The following PLXNA2 variants were observed in gnomAD, a reference collection of about 807,000 sequenced individuals.
PLXNA2 encodes the protein plexin A2.
Under a neutral mutation model 193.5 loss-of-function variants are expected in PLXNA2, and 91 were observed. That is an observed-to-expected ratio of 0.47 (90% CI 0.40 to 0.56). The LOEUF (loss-of-function observed/expected upper bound fraction) is 0.56. Ranked by LOEUF, PLXNA2 falls within the 20% of genes least tolerant of loss-of-function variation. The pLI is 0.00. For missense variants in PLXNA2, 1,995 were observed against 2,503.2 expected, an observed-to-expected ratio of 0.80 and a Z score of 4.33; for synonymous variants, 997 against 1,027.3, an observed-to-expected ratio of 0.97 and a Z score of 0.56.
intron 3 of PLXNA2, among the ~76,000 whole-genome samples, chr1:208,165,316 T>G (rs1669265326): frequency 6.6e-6 from 1 of 152,190 alleles, no homozygotes; most frequent in African/African-American, 2.4e-5. Context: ...TAGAGAATGT[T>G]TGTACTGTGT....
chr1:208,159,430 T>C (rs1234524199), intron 3 of PLXNA2, among the ~76,000 whole-genome samples: 7 of 152,230 alleles, frequency 4.6e-5, no homozygotes, highest in Non-Finnish European at 1.5e-5. Context: ...CTGGGGAGCC[T>C]ATGCTAAAGT....
At chr1:208,168,242 A>G (rs542990714) in intron 3 of PLXNA2, among the ~76,000 whole-genome samples, 2 of 152,318 alleles carry the variant, frequency 1.3e-5, no homozygotes, top group South Asian at 4.1e-4. Flanking sequence ...CCCTCTTCAT[A>G]TATAGCCACA....
At chr1:208,072,826 TACAA>T (rs1168719697) in intron 12 of PLXNA2, among the ~76,000 whole-genome samples, 1 of 152,184 alleles carries the variant, frequency 6.6e-6, no homozygotes, top group Non-Finnish European at 1.5e-5. Context: ...TAAGGCTCAG[TACAA>T]AGGGTAGCCA....
intron 4 of PLXNA2, among the ~76,000 whole-genome samples, chr1:208,129,419 T>G (rs1032338180): frequency 2.6e-5 from 4 of 152,090 alleles, no homozygotes; most frequent in Non-Finnish European, 5.9e-5. Flanking sequence ...GCTGGGGGAA[T>G]CCCTCTTAGG....
Position 208,076,815 on chromosome 1 carries a change from C to T in PLXNA2, c.2586+2445G>A, listed in dbSNP as rs546993240. Among the ~76,000 whole-genome samples the T allele has an allele frequency of 1.1e-4, 16 of 152,162 alleles. No individual in the cohort carries two copies. The East Asian group carries it at 2.1e-3, about 20-fold the overall frequency. ...CAATTGGCAGAATATTAATAAGGCA[C>T]GTTTATTAGATGGTATTATTGTATC... On this transcript the variant is annotated intron_variant, in intron 12 of 31. Coordinates refer to ENST00000367033, the MANE Select transcript of PLXNA2 (RefSeq NM_025179.4).
Position 208,038,924 on chromosome 1 carries a change from T to C in PLXNA2, c.4561A>G (p.Asn1521Asp). 6.2e-7 allele frequency: 1 copy of C among 1,613,832 alleles called. No homozygotes were observed. Among genetic ancestry groups the C allele is most frequent in the Non-Finnish European group, 8.5e-7 (1 of 1,179,774 alleles). The change falls in exon 25 of 32, where the codon AAC becomes GAC. Residue 1521 changes from asparagine to aspartate, a missense_variant. By Grantham distance (23) the Asn-to-Asp change is conservative (BLOSUM62 1). Coordinates refer to ENST00000367033, the MANE Select transcript of PLXNA2 (RefSeq NM_025179.4). The surrounding 1 kb of genome is among the most constrained non-coding windows in gnomAD (Gnocchi z 4.1). ...NSPEIPVKVL[N>D]CDTITQVKEK... ...TTGACCTGTGTGATGGTGTCACAGTTTAACACCTTCACTGGGATCTCTGGA... is the reference window on the plus strand; with the variant it reads ...TTGACCTGTGTGATGGTGTCACAGTCTAACACCTTCACTGGGATCTCTGGA...
At chr1:208,152,387 G>A (rs181801695) in intron 3 of PLXNA2, among the ~76,000 whole-genome samples, 1 of 152,274 alleles carries the variant, frequency 6.6e-6, no homozygotes, top group African/African-American at 2.4e-5. Flanking sequence ...CGCTGGGGCT[G>A]AGTCTTTATT....
chr1:208,077,932 G>A (rs970929335), intron 12 of PLXNA2, among the ~76,000 whole-genome samples: 1 of 152,148 alleles, frequency 6.6e-6, no homozygotes, highest in East Asian at 1.9e-4. Context: ...TGCATTGTCC[G>A]GGATATGGTG....
chr1:208,240,956 G>A (rs147091833), intron 1 of PLXNA2, among the ~76,000 whole-genome samples: 136 of 152,250 alleles, frequency 8.9e-4, no homozygotes, highest in Middle Eastern at 3.4e-3. Context: ...TCTTAGGGAG[G>A]CAATCATAGA....
chr1:208,039,275 G>A (rs940937561), intron 24 of PLXNA2, among the ~76,000 whole-genome samples: 3 of 152,270 alleles, frequency 2.0e-5, no homozygotes, highest in Admixed American at 2.0e-4. Flanking sequence ...TCAGTGTTTA[G>A]AGATGGCTCT....
chr1:208,173,890 C>G (rs77634676), intron 3 of PLXNA2, among the ~76,000 whole-genome samples: 1 of 152,338 alleles, frequency 6.6e-6, no homozygotes, highest in East Asian at 1.9e-4. Flanking sequence ...GCTGCTTGCT[C>G]GACTTTCATT....
intron 3 of PLXNA2, among the ~76,000 whole-genome samples, chr1:208,151,833 T>C (rs978232889): frequency 6.6e-6 from 1 of 152,222 alleles, no homozygotes; most frequent in African/African-American, 2.4e-5. Context: ...TGAACTCTTT[T>C]ATTCTGCCTC....
chr1:208,235,839 C>T lies in PLXNA2; in HGVS notation c.-81+7804G>A, dbSNP rs372912966. 3.5e-4 allele frequency among the ~76,000 whole-genome samples: 54 copies of T among 152,274 alleles called. No homozygotes were observed. In the East Asian group the frequency reaches 4.0e-3, roughly 11 times the overall value. ...TCTGTGGGCCAAGAAAGCTGAAGAA[C>T]TTGAAGAACTTGACCCCCTGTGGGT... On this transcript the variant is annotated intron_variant, in intron 1 of 31. Transcript: ENST00000367033.
At chr1:208,027,862 G>A (rs1664386695) in intron 31 of PLXNA2, 147 bp downstream of exon 31, 2 of 615,160 alleles carry the variant, frequency 3.3e-6, no homozygotes, top group Non-Finnish European at 5.3e-6. Flanking sequence ...CAGGAGTTGA[G>A]TTGCCTCATA....
In PLXNA2 at chr1:208,227,597, T is replaced by G. The variant is rs1427242313; in HGVS notation, c.-80-9595A>C. 2.0e-5 allele frequency among the ~76,000 whole-genome samples: 3 copies of G among 152,314 alleles called. No individual in the cohort carries two copies. The East Asian group carries it at 5.8e-4, about 29-fold the overall frequency. ...AAGGTCAAAACTTGAGGCTCCACAG[T>G]TCCATTTATGTCTACCCTGAGCTGA... On this transcript the variant is annotated intron_variant, in intron 1 of 31. Transcript: ENST00000367033.
At chr1:208,092,939 A>T in intron 8 of PLXNA2, 39 bp from the exon 9 acceptor site, 2 of 1,388,850 alleles carry the variant, frequency 1.4e-6, no homozygotes, top group Middle Eastern at 3.6e-4. Flanking sequence ...AGAGAAGAGA[A>T]CAAAGAGGGA....
chr1:208,123,552 G>T (rs1485093493), intron 4 of PLXNA2, among the ~76,000 whole-genome samples: 1 of 152,140 alleles, frequency 6.6e-6, no homozygotes, highest in Non-Finnish European at 1.5e-5. Flanking sequence ...TTGTCTCTTG[G>T]TTTTTATGAT....
intron 12 of PLXNA2, among the ~76,000 whole-genome samples, chr1:208,066,905 G>T (rs1423511702): frequency 6.6e-6 from 1 of 152,080 alleles, no homozygotes; most frequent in Non-Finnish European, 1.5e-5. Flanking sequence ...AAGTAAAAAA[G>T]TGAATTTCAA....
chr1:208,040,113 G>T, intron 22 of PLXNA2, 55 bp from the exon 23 acceptor site: 1 of 1,449,304 alleles, frequency 6.9e-7, no homozygotes, highest in Non-Finnish European at 9.7e-7. Flanking sequence ...TCTCCGTGGT[G>T]GGGCCTGGGC....
Sources: gnomAD v4.1 joint callset for allele counts (sites outside exome capture counted in the v4.1 genomes callset) on GRCh38, gnomAD v4.1.1 for gene constraint, Gnocchi (gnomAD v3.1) non-coding constraint, MANE v1.5 for transcripts, NCBI Gene and HGNC (gene_info 2026-07-23, HGNC 2026-07-21) for gene names.